The following TESMIN variants were observed in gnomAD, a reference collection of about 807,000 sequenced individuals.
TESMIN encodes the protein CXC domain containing 2.
TESMIN carries 34 observed loss-of-function variants against 47.4 expected under a neutral mutation model. The observed-to-expected ratio is 0.72, with a 90% confidence interval of 0.55 to 0.96. The LOEUF is 0.96. Ranked by LOEUF, TESMIN falls within the 40% of genes least tolerant of loss-of-function variation. The pLI, the probability that TESMIN is intolerant of heterozygous loss-of-function variation, is 0.00. For synonymous variants in TESMIN, 278 were observed against 258.9 expected (o/e 1.07, Z -0.71); for missense variants, 610 against 637.2 (o/e 0.96, Z 0.46).
intron 5 of TESMIN, among the ~76,000 whole-genome samples, chr11:68,741,823 C>T (rs548518687): frequency 3.3e-5 from 5 of 152,156 alleles, no homozygotes; most frequent in Non-Finnish European, 5.9e-5. Context: ...TGTGGCTGGA[C>T]GTCTACGCTG....
At chr11:68,728,976 A>G (rs1946296776) in intron 6 of TESMIN, among the ~76,000 whole-genome samples, 1 of 152,206 alleles carries the variant, frequency 6.6e-6, no homozygotes, top group Admixed American at 6.5e-5. Context: ...CAAGGAGATT[A>G]ATATTGTTCT....
chr11:68,737,072 A>C, intron 6 of TESMIN: 1 of 985,426 alleles, frequency 1.0e-6, no homozygotes, highest in Non-Finnish European at 1.2e-6. Flanking sequence ...GATTACAAGA[A>C]AGATGAGTAT....
chr11:68,751,203 C>A (rs1435002153), intron 1 of TESMIN, among the ~76,000 whole-genome samples: 5 of 99,320 alleles, frequency 5.0e-5, no homozygotes, highest in African/African-American at 2.0e-4. Flanking sequence ...GGGGAGGGGG[C>A]CAGGTGAGGG....
chr11:68,717,827 G>A lies in TESMIN; in HGVS notation c.918-1888C>T, dbSNP rs546566978. Among the ~76,000 whole-genome samples, 430 of 152,256 alleles carry A rather than the reference G, an allele frequency of 2.8e-3. 2 individuals are homozygous for A. Among genetic ancestry groups the A allele is most frequent in the Non-Finnish European group, 5.4e-3 (365 of 68,008 alleles). On this transcript the variant is annotated intron_variant, in intron 6 of 9. Transcript: ENST00000255087. ...TGCCACCGTGGCAGAGACTAAAAGT[G>A]ACTCTCTTGGAGCAAAACCATTGGG... is the stretch of plus-strand genomic sequence containing the variant.
chr11:68,719,929 C>T (rs534136939), intron 6 of TESMIN, among the ~76,000 whole-genome samples: 36 of 152,152 alleles, frequency 2.4e-4, no homozygotes, highest in South Asian at 2.1e-4. Context: ...GTGAGTTTTC[C>T]GGAACTGATG....
At chr11:68,734,135 C>G (rs934251370) in intron 6 of TESMIN, among the ~76,000 whole-genome samples, 5 of 152,188 alleles carry the variant, frequency 3.3e-5, no homozygotes, top group African/African-American at 7.2e-5. Flanking sequence ...TTCAGATATA[C>G]CAGTGCTAAA....
At chr11:68,714,255 G>A (rs1252995502) in intron 7 of TESMIN, among the ~76,000 whole-genome samples, 1 of 152,224 alleles carries the variant, frequency 6.6e-6, no homozygotes, top group Admixed American at 6.5e-5. Flanking sequence ...CTGCTGGACA[G>A]CCCCAGCCTG....
chr11:68,746,170 T>TACACACACACAC (rs56975910), intron 3 of TESMIN, among the ~76,000 whole-genome samples: 5 of 149,500 alleles, frequency 3.3e-5, no homozygotes, highest in African/African-American at 1.2e-4. Flanking sequence ...AAGTTATAGC[T>TACACACACACAC]ACACACACAC....
chr11:68,751,473 G>C lies in TESMIN; in HGVS notation c.-93C>G, dbSNP rs974980544. The C allele has an allele frequency of 6.6e-6, 1 of 152,632 alleles. No homozygotes were observed. Among genetic ancestry groups the C allele is most frequent in the African/African-American group, 2.4e-5 (1 of 41,406 alleles). 9.5% of individuals were successfully genotyped at this position (152,632 alleles called of 1,614,324 possible). A position where few individuals can be genotyped will look rare whatever the true frequency, so the allele number is the denominator to read the frequency against. ...GAGCGAGCGGGATGGGGCGTGGGCC[G>C]GGCCTCAGGCGCAGGCGGCCGTTGG... On this transcript the variant is annotated 5_prime_UTR_variant, in exon 1 of 10. Transcript: ENST00000255087.
chr11:68,715,789 C>T (rs1229310933), intron 7 of TESMIN, 48 bp downstream of exon 7: 25 of 1,337,062 alleles, frequency 1.9e-5, no homozygotes, highest in Non-Finnish European at 2.4e-5. Context: ...ACATCTCAAA[C>T]AGTTTGAAAT....
chr11:68,712,295 A>G (rs986879367), intron 8 of TESMIN, among the ~76,000 whole-genome samples: 7 of 152,194 alleles, frequency 4.6e-5, no homozygotes, highest in African/African-American at 1.7e-4. Flanking sequence ...GGGTGATGTC[A>G]GTCCCATTTC....
chr11:68,710,872 A>T lies in TESMIN; in HGVS notation c.1334+2T>A. 1 of 1,610,438 alleles carries T rather than the reference A, an allele frequency of 6.2e-7. No homozygotes were observed. On this transcript the variant is annotated splice_donor_variant, in intron 9 of 9. Coordinates refer to ENST00000255087, the MANE Select transcript of TESMIN (RefSeq NM_004923.3). LOFTEE classifies it high-confidence loss of function. ...TAGCAGAGGTTAGTTCAAAGTACCT[A>T]CCTATCGTGACTGAATCTTGGAAGT...
chr11:68,749,528 A>C (rs552733126), intron 2 of TESMIN, among the ~76,000 whole-genome samples: 51 of 152,192 alleles, frequency 3.4e-4, no homozygotes, highest in Non-Finnish European at 5.6e-4. Flanking sequence ...AAAACTCATT[A>C]GTTTTGGCAA....
chr11:68,719,591 G>A (rs1946181453), intron 6 of TESMIN, among the ~76,000 whole-genome samples: 2 of 152,202 alleles, frequency 1.3e-5, no homozygotes, highest in African/African-American at 2.4e-5. Flanking sequence ...AGAAGATTCA[G>A]TTAAAAGAGT....
intron 7 of TESMIN, among the ~76,000 whole-genome samples, chr11:68,714,055 T>C (rs1251465374): frequency 6.6e-6 from 1 of 152,250 alleles, no homozygotes; most frequent in Non-Finnish European, 1.5e-5. Flanking sequence ...TGTCCCTTTT[T>C]AATCTATCTA....
Position 68,750,361 on chromosome 11 carries a change from G to A in TESMIN, c.300C>T (p.Ile100=). Reference sequence around the variant, plus strand: ...CGTCCTCCAGCGCGCTGAGCTCTGGGATCCCGGGGTACTCCCCGAGGAGCT... The same window carrying A: ...CGTCCTCCAGCGCGCTGAGCTCTGGAATCCCGGGGTACTCCCCGAGGAGCT... The part of the protein sequence containing the change: ...GGELLGEYPG[I]PELSALEDVA... Residue 100 remains isoleucine (I), a synonymous_variant, in exon 2 of 10, where the codon ATC becomes ATT. Coordinates refer to ENST00000255087, the MANE Select transcript of TESMIN (RefSeq NM_004923.3). The A allele has an allele frequency of 6.6e-7, 1 of 1,511,012 alleles. No homozygotes were observed. The highest frequency in any genetic ancestry group is 8.9e-7 in the Non-Finnish European group (1 of 1,127,974). The allele number at this position is 1,511,012 out of a possible 1,614,324, so 93.6% of individuals were successfully genotyped here. A position where few individuals can be genotyped will look rare whatever the true frequency, so the allele number is the denominator to read the frequency against.
intron 6 of TESMIN, among the ~76,000 whole-genome samples, chr11:68,723,818 T>C (rs1946230463): frequency 6.6e-6 from 1 of 152,128 alleles, no homozygotes; most frequent in Non-Finnish European, 1.5e-5. Context: ...AATATCAAAA[T>C]TGACTCAAGA....
Position 68,750,333 on chromosome 11 carries a change from C to A in TESMIN, c.328G>T (p.Ala110Ser), listed in dbSNP as rs1018412324. The A allele has an allele frequency of 3.3e-6, 5 of 1,504,478 alleles. No homozygotes were observed. The highest frequency in any genetic ancestry group is 2.5e-5 in the East Asian group (1 of 40,800). 93.2% of individuals were successfully genotyped at this position (1,504,478 alleles called of 1,614,324 possible). ...IPELSALEDV[A>S]LLQAPQPPAC... ...GGCGGCTGCGGGGCCTGCAGGAGCGCGACGTCCTCCAGCGCGCTGAGCTCT... is the reference window on the plus strand; with the variant it reads ...GGCGGCTGCGGGGCCTGCAGGAGCGAGACGTCCTCCAGCGCGCTGAGCTCT... Residue 110 changes from alanine (A) to serine (S), a missense_variant, in exon 2 of 10, where the codon GCG (alanine) becomes TCG (serine). Coordinates refer to ENST00000255087, the MANE Select transcript of TESMIN (RefSeq NM_004923.3).
Position 68,731,356 on chromosome 11 carries a change from G to C in TESMIN, c.917+7344C>G, listed in dbSNP as rs117563648. Among the ~76,000 whole-genome samples the C allele has an allele frequency of 3.3e-5, 5 of 152,178 alleles. No homozygotes were observed. The East Asian group carries it at 9.7e-4, about 29-fold the overall frequency. On this transcript the variant is annotated intron_variant, in intron 6 of 9. Coordinates refer to ENST00000255087, the MANE Select transcript of TESMIN (RefSeq NM_004923.3). ...GCTGGGAGGATCACCTGAGCCCAGG[G>C]GGTCAAGGCTGCAGTAAGCTACGAT...
Sources: allele counts gnomAD v4.1 joint callset (sites outside exome capture counted in the v4.1 genomes callset), GRCh38; gene constraint gnomAD v4.1.1; transcripts MANE v1.5; gene names NCBI Gene and HGNC (gene_info 2026-07-23, HGNC 2026-07-21).